Variants in MSH3 observed in about 807,000 individuals in gnomAD.
The protein encoded by MSH3 is DNA mismatch repair protein Msh3.
A neutral mutation model predicts 123.3 loss-of-function variants in MSH3; 106 were observed. That is an observed-to-expected ratio of 0.86 (90% CI 0.73 to 1.01). MSH3 has a LOEUF of 1.01. Ranked by LOEUF, MSH3 falls within the 50% of genes least tolerant of loss-of-function variation. MSH3 has a pLI of 0.00. For synonymous variants in MSH3, 515 were observed against 481.4 expected, an observed-to-expected ratio of 1.07 and a Z score of -0.91; for missense variants, 1,459 against 1,347.6, an observed-to-expected ratio of 1.08 and a Z score of -1.29.
intron 20 of MSH3, among the ~76,000 whole-genome samples, chr5:80,817,228 G>C (rs1365529580): frequency 6.6e-6 from 1 of 151,954 alleles, no homozygotes; most frequent in Non-Finnish European, 1.5e-5. Context: ...AGTGCTTCAA[G>C]AAGAAAAGTA....
At chr5:80,694,221 G>T (rs1246118446) in intron 8 of MSH3, among the ~76,000 whole-genome samples, 8 of 152,182 alleles carry the variant, frequency 5.3e-5, no homozygotes, top group Admixed American at 3.9e-4. Flanking sequence ...AAATATATAT[G>T]TATTCATTAC....
In MSH3 at chr5:80,875,652, C is replaced by T. The variant is rs983820530; in HGVS notation, c.3303-99C>T. ...CAGCTTCCTAACTATAGAGCCTGCC[C>T]GGTATTCAAGTGTTATAGACTTTTC... is the stretch of plus-strand genomic sequence containing the variant. On this transcript the variant is annotated intron_variant, in intron 23 of 23. Coordinates refer to ENST00000265081, the MANE Select transcript of MSH3 (RefSeq NM_002439.5). The T allele has an allele frequency of 8.5e-5, 61 of 719,436 alleles. No individual in the cohort carries two copies. In the Admixed American group the frequency reaches 8.5e-4, roughly 10 times the overall value. The allele number at this position is 719,436 out of a possible 1,614,324, so 44.6% of individuals were successfully genotyped here.
intron 8 of MSH3, among the ~76,000 whole-genome samples, chr5:80,704,194 G>A (rs969462221): frequency 4.6e-5 from 7 of 152,156 alleles, no homozygotes; most frequent in South Asian, 2.1e-4. Flanking sequence ...GGTGACCTGC[G>A]TGGGTCCCAT....
intron 20 of MSH3, among the ~76,000 whole-genome samples, chr5:80,828,052 A>G (rs1053503622): frequency 6.6e-6 from 1 of 152,072 alleles, no homozygotes; most frequent in Admixed American, 6.5e-5. Context: ...TGATGAACCT[A>G]CATTGGCACA....
At chr5:80,849,876 T>G (rs536034409) in intron 20 of MSH3, among the ~76,000 whole-genome samples, 1 of 152,340 alleles carries the variant, frequency 6.6e-6, no homozygotes, top group Non-Finnish European at 1.5e-5. Context: ...CTTGAATTTC[T>G]CCTCAGAAAA....
chr5:80,730,894 A>ATTTTT (rs59224150), intron 10 of MSH3, among the ~76,000 whole-genome samples: 3 of 127,778 alleles, frequency 2.3e-5, no homozygotes, highest in African/African-American at 6.1e-5. Context: ...ATATATATAT[A>ATTTTT]TTTTTTTTTT....
chr5:80,849,232 A>T (rs977300677), intron 20 of MSH3, among the ~76,000 whole-genome samples: 1 of 152,144 alleles, frequency 6.6e-6, no homozygotes, highest in African/African-American at 2.4e-5. Context: ...TTTGCAGGGT[A>T]CAGCCTCCCT....
At chr5:80,861,686 G>T (rs140366795) in intron 21 of MSH3, among the ~76,000 whole-genome samples, 1 of 152,124 alleles carries the variant, frequency 6.6e-6, no homozygotes, top group African/African-American at 2.4e-5. Flanking sequence ...CCATGACTCG[G>T]TTCCCCTGCA....
chr5:80,710,190 G>A (rs1478750181), intron 8 of MSH3, among the ~76,000 whole-genome samples: 3 of 152,068 alleles, frequency 2.0e-5, no homozygotes, highest in Admixed American at 6.6e-5. Flanking sequence ...ATTTTATTAC[G>A]GGTTTTATAG....
intron 20 of MSH3, among the ~76,000 whole-genome samples, chr5:80,852,145 G>A (rs1303048790): frequency 1.3e-5 from 2 of 152,148 alleles, no homozygotes; most frequent in East Asian, 3.9e-4. Flanking sequence ...AGGCAACATA[G>A]TGAGACCTTG....
At chr5:80,698,790 C>T (rs1271099249) in intron 8 of MSH3, among the ~76,000 whole-genome samples, 4 of 136,662 alleles carry the variant, frequency 2.9e-5, no homozygotes, top group African/African-American at 5.6e-5. Flanking sequence ...CCTCACACAC[C>T]GGGGGGCCTG....
chr5:80,738,621 A>G (rs919435656), intron 10 of MSH3, among the ~76,000 whole-genome samples: 1 of 152,182 alleles, frequency 6.6e-6, no homozygotes, highest in African/African-American at 2.4e-5. Flanking sequence ...ACAAACTGCC[A>G]TACCACCGTG....
chr5:80,864,267 G>T (rs1001011750), intron 21 of MSH3, among the ~76,000 whole-genome samples: 1 of 152,048 alleles, frequency 6.6e-6, no homozygotes, highest in Non-Finnish European at 1.5e-5. Context: ...ATGTTTGGAG[G>T]AAATAGCAAA....
intron 20 of MSH3, among the ~76,000 whole-genome samples, chr5:80,836,864 C>T (rs778500787): frequency 6.6e-5 from 10 of 151,906 alleles, no homozygotes; most frequent in Admixed American, 3.3e-4. Context: ...GTTGCAGATA[C>T]GGAGAGCTGA....
rs57762095 is a variant in MSH3, at chr5:80,750,078, A to AGTGTGTGTGTGTGTGTGTGTGTGTGTGT, written c.1763+5470_1763+5497dup. Among the ~76,000 whole-genome samples, 61 of 134,256 alleles carry AGTGTGTGTGTGTGTGTGTGTGTGTGTGT rather than the reference A, an allele frequency of 4.5e-4. 1 individual carries two copies. The highest frequency in any genetic ancestry group is 7.3e-4 in the Non-Finnish European group (47 of 64,812). The allele number at this position is 134,256 out of a possible 152,430, so 88.1% of individuals were successfully genotyped here. A position where few individuals can be genotyped will look rare whatever the true frequency, so the allele number is the denominator to read the frequency against. On this transcript the variant is annotated intron_variant, in intron 12 of 23. Transcript: ENST00000265081. ...TTTTTAAGGCTGAATAGTATTCCAG[A>AGTGTGTGTGTGTGTGTGTGTGTGTGTGT]GTGTGTGTGTGTGTGTGTGTGTGTG... is the stretch of plus-strand genomic sequence containing the variant.
At position 80,804,222 on chromosome 5, in the gene MSH3, T is replaced by C. The variant is rs896705689; in HGVS notation, c.2656-9362T>C. On this transcript the variant is annotated intron_variant, in intron 19 of 23. Transcript: ENST00000265081. ...TCTTTCCCTTTTTGTGTGTCCTCTT[T>C]AATTTTTTGCATTAGTTTATGTAGA... Among the ~76,000 whole-genome samples the C allele has an allele frequency of 3.0e-3, 451 of 152,354 alleles. 3 individuals are homozygous for C. Among genetic ancestry groups the C allele is most frequent in the African/African-American group, 0.01 (435 of 41,588 alleles).
chr5:80,876,410 C>A lies in MSH3; in HGVS notation c.*548C>A, dbSNP rs1263483594. 5.9e-6 allele frequency: 1 copy of A among 170,460 alleles called. No individual in the cohort carries two copies. Among genetic ancestry groups the A allele is most frequent in the African/African-American group, 2.4e-5 (1 of 41,918 alleles). The allele number at this position is 170,460 out of a possible 1,614,324, so 10.6% of individuals were successfully genotyped here. ...CTGAGGTCAGGAGTTCAAGACCAGC[C>A]TGGCCAACATGGCAAAACCCCATCT... On this transcript the variant is annotated 3_prime_UTR_variant, in exon 24 of 24. Transcript: ENST00000265081.
At chr5:80,838,888 C>T (rs752392059) in intron 20 of MSH3, among the ~76,000 whole-genome samples, 2 of 152,080 alleles carry the variant, frequency 1.3e-5, no homozygotes, top group Non-Finnish European at 2.9e-5. Flanking sequence ...TTTTTTCACT[C>T]AATCTTGTAG....
rs569209010 is a variant in MSH3 at position 80,709,014 on chromosome 5, A to T, written c.1341-16439A>T. On this transcript the variant is annotated intron_variant, in intron 8 of 23. Coordinates refer to ENST00000265081, the MANE Select transcript of MSH3 (RefSeq NM_002439.5). The stretch of plus-strand genomic sequence containing the variant: ...GGTCTCAAACTCCTGACTTCAACTG[A>T]TCTACCCTCCTTGGCCTCCCAAAGT... 2.0e-5 allele frequency among the ~76,000 whole-genome samples: 3 copies of T among 152,228 alleles called. No individual in the cohort carries two copies. In the South Asian group the frequency reaches 6.2e-4, roughly 32 times the overall value.
Sources: allele counts gnomAD v4.1 joint callset (sites outside exome capture counted in the v4.1 genomes callset), GRCh38; gene constraint gnomAD v4.1.1; transcripts MANE v1.5; gene names NCBI Gene and HGNC (gene_info 2026-07-23, HGNC 2026-07-21).